The following FAM110B variants were observed in gnomAD, a reference collection of about 807,000 sequenced individuals.
FAM110B encodes family with sequence similarity 110 member B, also known as protein FAM110B.
FAM110B carries 6 observed loss-of-function variants against 20.4 expected under a neutral mutation model. That is an observed-to-expected ratio of 0.29 (90% CI 0.16 to 0.58). The LOEUF is 0.58. Among genes scored for constraint, FAM110B ranks in the 20% least tolerant of loss-of-function variants. FAM110B has a pLI of 0.90. For synonymous variants in FAM110B, 226 were observed against 214.1 expected, an observed-to-expected ratio of 1.06 and a Z score of -0.49; for missense variants, 434 against 498.2, an observed-to-expected ratio of 0.87 and a Z score of 1.23.
chr8:58,034,265 T>C (rs962439906), intron 2 of FAM110B, among the ~76,000 whole-genome samples: 1 of 152,184 alleles, frequency 6.6e-6, no homozygotes, highest in African/African-American at 2.4e-5. Context: ...CGGGTATCAT[T>C]GAGTTGCCAG....
chr8:58,070,456 A>G (rs1412038749), intron 2 of FAM110B: 1 of 152,222 alleles, frequency 6.6e-6, no homozygotes, highest in African/African-American at 2.4e-5. Context: ...TCATCGTGTC[A>G]TCTGTTTAAT....
chr8:58,108,598 T>C (rs1376704364), intron 3 of FAM110B, among the ~76,000 whole-genome samples: 2 of 152,200 alleles, frequency 1.3e-5, no homozygotes, highest in Admixed American at 6.5e-5. Context: ...TCTCCTCAGC[T>C]CTGGAGGCTG....
At chr8:58,091,688 T>G (rs1806483571) in intron 3 of FAM110B, 1 of 152,146 alleles carries the variant, frequency 6.6e-6, no homozygotes, top group Admixed American at 6.5e-5. Context: ...ATGCCCCCCA[T>G]TCAGCATTCT....
chr8:57,998,468 A>C (rs759054914), intron 1 of FAM110B, among the ~76,000 whole-genome samples: 1 of 152,236 alleles, frequency 6.6e-6, no homozygotes, highest in Non-Finnish European at 1.5e-5. Flanking sequence ...TTTTGGAAAC[A>C]TTGAATCAAA....
chr8:58,134,034 G>A (rs912259421), intron 3 of FAM110B, among the ~76,000 whole-genome samples: 34 of 152,364 alleles, frequency 2.2e-4, no homozygotes, highest in African/African-American at 6.7e-4. Context: ...ATGAAAATAT[G>A]TGCTGCAATA....
intron 1 of FAM110B, among the ~76,000 whole-genome samples, chr8:58,014,289 C>T (rs909066093): frequency 2.6e-5 from 4 of 152,116 alleles, no homozygotes; most frequent in African/African-American, 9.7e-5. Context: ...TTTAGGAACC[C>T]TGGATCTGGG....
At chr8:58,103,225 G>A (rs540401104) in intron 3 of FAM110B, among the ~76,000 whole-genome samples, 71 of 151,886 alleles carry the variant, frequency 4.7e-4, no homozygotes, top group Non-Finnish European at 7.9e-4. Context: ...ACAGTGTGCA[G>A]GTTAGTTACA....
chr8:58,079,363 C>A (rs927964510), intron 3 of FAM110B, among the ~76,000 whole-genome samples: 1 of 152,176 alleles, frequency 6.6e-6, no homozygotes, highest in African/African-American at 2.4e-5. Flanking sequence ...GTATACACTT[C>A]TCTAAGGGTA....
intron 2 of FAM110B, among the ~76,000 whole-genome samples, chr8:58,052,817 G>A (rs1377245227): frequency 2.7e-5 from 3 of 109,220 alleles, no homozygotes; most frequent in African/African-American, 7.2e-5. Context: ...ACGGAGTCTC[G>A]CTCTGTCGCC....
At chr8:58,140,394 C>T (rs1803713508) in intron 3 of FAM110B, among the ~76,000 whole-genome samples, 1 of 152,292 alleles carries the variant, frequency 6.6e-6, no homozygotes, top group Middle Eastern at 3.4e-3. Context: ...TATTGCTATC[C>T]CCATTTTCCA....
rs71557704 is a variant in FAM110B, at chr8:58,105,556, A to ATTT, written c.-325+29961_-325+29963dup. The stretch of plus-strand genomic sequence containing the variant: ...TGAAAATGAATGAATGAATGAATGA[A>ATTT]TTTTTTTTTTTTTTTTTTTTTTTTT... On this transcript the variant is annotated intron_variant, in intron 3 of 3. Coordinates refer to ENST00000519262, the MANE Select transcript of FAM110B (RefSeq NM_001377989.1). Among the ~76,000 whole-genome samples the ATTT allele has an allele frequency of 1.4e-3, 134 of 94,632 alleles. 6 individuals carry two copies. Among genetic ancestry groups the ATTT allele is most frequent in the African/African-American group, 2.3e-3 (45 of 19,950 alleles). 62.1% of individuals were successfully genotyped at this position (94,632 alleles called of 152,430 possible).
At chr8:58,035,139 A>G (rs762899734) in intron 2 of FAM110B, among the ~76,000 whole-genome samples, 1 of 152,346 alleles carries the variant, frequency 6.6e-6, no homozygotes, top group South Asian at 2.1e-4. Flanking sequence ...TTGGATTTTT[A>G]TGAAATTTAA....
intron 1 of FAM110B, among the ~76,000 whole-genome samples, chr8:58,006,923 A>ATATATTTTTTTTTTT: frequency 0.011 from 1,435 of 126,360 alleles, 24 homozygotes; most frequent in South Asian, 0.021. Flanking sequence ...ATATATATAT[A>ATATATTTTTTTTTTT]TTTTTCCAAA....
At chr8:58,108,061 G>T (rs1329669404) in intron 3 of FAM110B, among the ~76,000 whole-genome samples, 1 of 152,142 alleles carries the variant, frequency 6.6e-6, no homozygotes, top group Non-Finnish European at 1.5e-5. Context: ...GGGGAAGAGG[G>T]CCCTTCTTAT....
intron 3 of FAM110B, among the ~76,000 whole-genome samples, chr8:58,078,994 A>G (rs774340689): frequency 1.8e-4 from 28 of 151,718 alleles, no homozygotes; most frequent in African/African-American, 2.9e-4. Context: ...TTTTTTTCCA[A>G]CTCGGTGTTT....
At chr8:58,029,527 G>A (rs1339286097) in intron 1 of FAM110B, among the ~76,000 whole-genome samples, 2 of 150,810 alleles carry the variant, frequency 1.3e-5, no homozygotes, top group East Asian at 3.9e-4. Flanking sequence ...TAATCATGCT[G>A]ATTAGAAATG....
chr8:58,111,860 G>A (rs1454002824), intron 3 of FAM110B, among the ~76,000 whole-genome samples: 1 of 152,028 alleles, frequency 6.6e-6, no homozygotes, highest in Admixed American at 6.6e-5. Flanking sequence ...ATTGGGCTAG[G>A]TACTTTCTAT....
At chr8:58,057,897 C>T (rs1264630091) in intron 2 of FAM110B, among the ~76,000 whole-genome samples, 2 of 152,244 alleles carry the variant, frequency 1.3e-5, no homozygotes, top group Non-Finnish European at 2.9e-5. Context: ...TCACCTGGTG[C>T]TTGTGTTACT....
chr8:58,097,916 G>A (rs1188709912), intron 3 of FAM110B, among the ~76,000 whole-genome samples: 2 of 152,218 alleles, frequency 1.3e-5, no homozygotes, highest in African/African-American at 2.4e-5. Context: ...ATTGCTGCCT[G>A]TTCCTTTCTC....
Sources: gnomAD v4.1 joint callset for allele counts (sites outside exome capture counted in the v4.1 genomes callset) on GRCh38, gnomAD v4.1.1 for gene constraint, MANE v1.5 for transcripts, NCBI Gene and HGNC (gene_info 2026-07-23, HGNC 2026-07-21) for gene names.